The following ARHGAP9 variants were observed in gnomAD, a reference collection of about 807,000 sequenced individuals.
The protein encoded by ARHGAP9 is Rho GTPase activating protein 9.
A neutral mutation model predicts 87.3 loss-of-function variants in ARHGAP9; 76 were observed. That is an observed-to-expected ratio of 0.87 (90% CI 0.72 to 1.05). The LOEUF (loss-of-function observed/expected upper bound fraction) is 1.05. ARHGAP9 is among the 50% of genes least tolerant of loss of function. ARHGAP9 has a pLI of 0.00. For synonymous variants in ARHGAP9, 382 were observed against 394.9 expected, an observed-to-expected ratio of 0.97 and a Z score of 0.39; for missense variants, 941 against 960.5, an observed-to-expected ratio of 0.98 and a Z score of 0.27.
In ARHGAP9 at chr12:57,473,642, T is replaced by C. The variant is rs750656819; in HGVS notation, c.1985A>G (p.Asn662Ser). ...CAGGAGGTACCGTAGAGTGTCATGG[T>C]TGGGCTTTGGCATTGAGCCTATTAA... ...QELIGSMPKP[N>S]HDTLRYLLEH... The change falls in exon 17 of 18, where the codon AAC becomes AGC. Residue 662 changes from asparagine to serine, a missense_variant. By Grantham distance (46) the Asn-to-Ser change is conservative. Coordinates refer to ENST00000393791, the MANE Select transcript of ARHGAP9 (RefSeq NM_032496.4). The C allele has an allele frequency of 6.2e-6, 10 of 1,613,980 alleles. No individual in the cohort carries two copies. Among genetic ancestry groups the C allele is most frequent in the Middle Eastern group, 1.6e-4 (1 of 6,062 alleles).
At chr12:57,475,742 G>T in intron 10 of ARHGAP9, 91 bp downstream of exon 10, 1 of 1,487,650 alleles carries the variant, frequency 6.7e-7, no homozygotes, top group Non-Finnish European at 9.0e-7. Flanking sequence ...AGCCCACCCT[G>T]CCCCCAACTG....
Position 57,477,502 on chromosome 12 carries a change from C to G in ARHGAP9, c.713G>C (p.Gly238Ala), listed in dbSNP as rs1174140137. 5 of 1,614,116 alleles carry G rather than the reference C, an allele frequency of 3.1e-6. No homozygotes were observed. Among genetic ancestry groups the G allele is most frequent in the Non-Finnish European group, 4.2e-6 (5 of 1,180,012 alleles). Residue 238 changes from glycine (G) to alanine (A), a missense_variant, in exon 4 of 18, where the codon GGC (glycine) becomes GCC (alanine). By Grantham distance (60) the Gly-to-Ala change is moderately conservative. Coordinates refer to ENST00000393791, the MANE Select transcript of ARHGAP9 (RefSeq NM_032496.4). ...GRCFYINSLTGCKSWKPPRRS... is the reference protein window; with the variant it reads ...GRCFYINSLTACKSWKPPRRS... ...GCGCGGGGGCTTCCAGGACTTGCAG[C>G]CAGTCAGTGAATTTATGTAGAAGCA...
At chr12:57,482,961 T>C (rs1037259698), upstream of ARHGAP9, among the ~76,000 whole-genome samples, 2 of 151,216 alleles carry the variant, frequency 1.3e-5, no homozygotes, top group Non-Finnish European at 2.9e-5. Flanking sequence ...CAGCTGGGCA[T>C]GGCGGCAGGT....
At chr12:57,482,676 G>C (rs1477952750), upstream of ARHGAP9, among the ~76,000 whole-genome samples, 1 of 152,108 alleles carries the variant, frequency 6.6e-6, no homozygotes, top group African/African-American at 2.4e-5. Flanking sequence ...CTGCACTCCA[G>C]CCTAGGCGAC....
chr12:57,475,612 G>A lies in ARHGAP9; in HGVS notation c.1315C>T (p.Arg439Trp), dbSNP rs779829550. Residue 439 changes from arginine (R) to tryptophan (W), a missense_variant, in exon 11 of 18, where the codon CGG becomes TGG. Transcript: ENST00000393791. ...AGACGCAGCTCCAGGGGGTTCTCCC[G>A]ATCCTAGACCCGGGGCGGGCCGTGT... ...ALRTVIERLD[R>W]ENPLELRLSG... 6.2e-7 allele frequency: 1 copy of A among 1,611,086 alleles called. No individual in the cohort carries two copies. The highest frequency in any genetic ancestry group is 1.7e-5 in the Admixed American group (1 of 59,544).
upstream of ARHGAP9, chr12:57,480,736 A>T: frequency 6.5e-7 from 1 of 1,536,418 alleles, no homozygotes; most frequent in South Asian, 1.2e-5. Flanking sequence ...CCTTCCCTGG[A>T]TTACCAGCAC....
Position 57,472,599 on chromosome 12 carries a change from G to A in ARHGAP9, c.2114C>T (p.Thr705Ile). Residue 705 changes from threonine (T) to isoleucine (I), a missense_variant, in exon 18 of 18, where the codon ACA (threonine) becomes ATA (isoleucine). Coordinates refer to ENST00000393791, the MANE Select transcript of ARHGAP9 (RefSeq NM_032496.4). ...GAGAGCATGGGCTGCTGGGTCAGAT[G>A]TCTCCTGCTCTGGCCGAAACAGGGT... ...GPTLFRPEQETSDPAAHALYP... is the reference protein window; with the variant it reads ...GPTLFRPEQEISDPAAHALYP... 2 of 1,614,212 alleles carry A rather than the reference G, an allele frequency of 1.2e-6. No homozygotes were observed. Among genetic ancestry groups the A allele is most frequent in the Non-Finnish European group, 1.7e-6 (2 of 1,180,038 alleles).
Position 57,479,754 on chromosome 12 carries a change from A to G in ARHGAP9, c.-43T>C. On this transcript the variant is annotated 5_prime_UTR_variant, in exon 1 of 18. Coordinates refer to ENST00000393791, the MANE Select transcript of ARHGAP9 (RefSeq NM_032496.4). ...CCTTGTGGGGCCCATCAGAAGATTC[A>G]GGAGCAGGAGTTGGTCCTGGGTAGT... is the stretch of plus-strand genomic sequence containing the variant. 6.4e-7 allele frequency: 1 copy of G among 1,550,684 alleles called. No individual in the cohort carries two copies. Among genetic ancestry groups the G allele is most frequent in the Non-Finnish European group, 8.7e-7 (1 of 1,146,962 alleles).
Position 57,479,259 on chromosome 12 carries a change from T to C in ARHGAP9, c.148A>G (p.Arg50Gly), listed in dbSNP as rs33927108. 105,430 of 1,614,168 alleles carry C rather than the reference T, an allele frequency of 0.065. 3,809 individuals are homozygous for C. Among genetic ancestry groups the C allele is most frequent in the East Asian group, 0.11 (4,737 of 44,878 alleles). The change falls in exon 2 of 18, where the codon AGG becomes GGG. Residue 50 changes from arginine (R) to glycine (G), a missense_variant. Arg to Gly is a moderately radical substitution (Grantham distance 125, BLOSUM62 -2). Transcript: ENST00000393791. ...TTGGTCTTTCGAAGCAGTAGGAACC[T>C]ATCCCCTTCAGCCAGAGACACCTGC... ...GQQVSLAEGD[R>G]FLLLRKTNSD...
intron 7 of ARHGAP9, 24 bp downstream of exon 7, chr12:57,476,566 C>T (rs375832269): frequency 6.2e-7 from 1 of 1,613,946 alleles, no homozygotes; most frequent in African/African-American, 1.3e-5. Context: ...CAGCCCAGGC[C>T]CTAGCTGTAT....
At chr12:57,479,063 G>A (rs1874663020) in intron 2 of ARHGAP9, 28 bp downstream of exon 2, 2 of 1,606,496 alleles carry the variant, frequency 1.2e-6, no homozygotes, top group South Asian at 1.1e-5. Flanking sequence ...GTAGGAAGGT[G>A]AAGGGAGAGG....
upstream of ARHGAP9, among the ~76,000 whole-genome samples, chr12:57,480,483 C>T (rs1285344694): frequency 2.0e-5 from 3 of 152,098 alleles, no homozygotes; most frequent in African/African-American, 4.8e-5. Flanking sequence ...CGCCCGGCCT[C>T]ATTTATGCTT....
At chr12:57,478,367 C>T (rs770964107) in intron 3 of ARHGAP9, 173 bp downstream of exon 3, 41 of 678,522 alleles carry the variant, frequency 6.0e-5, no homozygotes, top group African/African-American at 1.1e-4. Context: ...CTCCCCGCAC[C>T]ACCTCAGCCA....
intron 3 of ARHGAP9, 177 bp downstream of exon 3, chr12:57,478,363 G>A (rs1469099762): frequency 4.5e-6 from 3 of 667,462 alleles, no homozygotes; most frequent in East Asian, 2.8e-5. Context: ...ATGTCTCCCC[G>A]CACCACCTCA....
chr12:57,485,180 C>G (rs1875306370), intron 1 of ARHGAP9, among the ~76,000 whole-genome samples: 1 of 151,930 alleles, frequency 6.6e-6, no homozygotes, highest in South Asian at 2.1e-4. Context: ...CTCCTGACCT[C>G]AGGTGATTTG....
At chr12:57,482,397 T>A (rs1594797632), upstream of ARHGAP9, among the ~76,000 whole-genome samples, 1 of 152,080 alleles carries the variant, frequency 6.6e-6, no homozygotes, top group East Asian at 1.9e-4. Context: ...CCCGCCACCA[T>A]GTCCAGCTAA....
intron 12 of ARHGAP9, 111 bp downstream of exon 12, chr12:57,475,180 T>TG: frequency 8.1e-7 from 1 of 1,241,242 alleles, no homozygotes; most frequent in Non-Finnish European, 1.1e-6. Flanking sequence ...CTAAACAATC[T>TG]GGGGTAGTGG....
intron 1 of ARHGAP9, among the ~76,000 whole-genome samples, chr12:57,485,111 A>AATTTTTGT: frequency 6.8e-6 from 1 of 147,772 alleles, no homozygotes; most frequent in Middle Eastern, 3.9e-3. Flanking sequence ...ACACCCCGCC[A>AATTTTTGT]ATTTTTTGTA....
In ARHGAP9 at chr12:57,477,515, T is replaced by C; in HGVS notation, c.700A>G (p.Asn234Asp). The change falls in exon 4 of 18, where the codon AAT becomes GAT. Residue 234 changes from asparagine to aspartate, a missense_variant. By Grantham distance (23) the Asn-to-Asp change is conservative. Transcript: ENST00000393791. ...DPNSGRCFYI[N>D]SLTGCKSWKP... ...CAGGACTTGCAGCCAGTCAGTGAAT[T>C]TATGTAGAAGCAGCGTCCAGAGTTG... The C allele has an allele frequency of 6.2e-7, 1 of 1,613,970 alleles. No homozygotes were observed. The highest frequency in any genetic ancestry group is 8.5e-7 in the Non-Finnish European group (1 of 1,179,976).
Sources: gnomAD v4.1 joint callset for allele counts (sites outside exome capture counted in the v4.1 genomes callset) on GRCh38, gnomAD v4.1.1 for gene constraint, MANE v1.5 for transcripts, NCBI Gene and HGNC (gene_info 2026-07-23, HGNC 2026-07-21) for gene names.